Variants in FNBP1 observed in about 807,000 individuals in gnomAD.
FNBP1 encodes formin-binding protein 1.
A neutral mutation model predicts 90.6 loss-of-function variants in FNBP1; 26 were observed. That is an observed-to-expected ratio of 0.29 (90% CI 0.21 to 0.40). The LOEUF is 0.40. Among genes scored for constraint, FNBP1 ranks in the 10% least tolerant of loss-of-function variants. The probability of loss-of-function intolerance (pLI) is 1.00; values close to 1 mark genes in which losing one functional copy is unlikely to be tolerated. For missense variants in FNBP1, 635 were observed against 768.0 expected, an observed-to-expected ratio of 0.83 and a Z score of 2.05; for synonymous variants, 260 against 265.2, an observed-to-expected ratio of 0.98 and a Z score of 0.19.
At chr9:130,018,770 C>T (rs571376692) in intron 1 of FNBP1, among the ~76,000 whole-genome samples, 21 of 151,994 alleles carry the variant, frequency 1.4e-4, no homozygotes, top group Non-Finnish European at 1.3e-4. Context: ...AGTACAGTTG[C>T]TTATCACATA....
At chr9:129,916,448 T>C (rs138197948) in intron 10 of FNBP1, among the ~76,000 whole-genome samples, 2 of 151,970 alleles carry the variant, frequency 1.3e-5, no homozygotes, top group East Asian at 3.9e-4. Context: ...AGAAACCCTG[T>C]CTCTACTAAA....
intron 1 of FNBP1, among the ~76,000 whole-genome samples, chr9:130,037,640 G>T (rs1171094844): frequency 6.6e-6 from 1 of 151,940 alleles, no homozygotes; most frequent in African/African-American, 2.4e-5. Context: ...TACTTTAAAG[G>T]CAAAAAAGGT....
At chr9:130,019,183 C>T (rs1258328308) in intron 1 of FNBP1, among the ~76,000 whole-genome samples, 5 of 151,738 alleles carry the variant, frequency 3.3e-5, no homozygotes, top group Admixed American at 1.3e-4. Flanking sequence ...GCCAAGACTG[C>T]GTCAAGGCAC....
intron 6 of FNBP1, among the ~76,000 whole-genome samples, chr9:129,930,611 A>G (rs1330079730): frequency 1.3e-5 from 2 of 152,030 alleles, no homozygotes; most frequent in Admixed American, 1.3e-4. Flanking sequence ...TTTTTCTCTA[A>G]TTCATATTCT....
At chr9:129,955,241 C>CT (rs200629997) in intron 6 of FNBP1, among the ~76,000 whole-genome samples, 10,384 of 148,092 alleles carry the variant, frequency 0.07, 466 homozygotes, top group Admixed American at 0.12. Flanking sequence ...AGGCTGAGTG[C>CT]TTTTTTTTTT....
At chr9:129,992,515 A>T (rs1043375669) in intron 2 of FNBP1, among the ~76,000 whole-genome samples, 2 of 151,132 alleles carry the variant, frequency 1.3e-5, no homozygotes, top group Non-Finnish European at 1.5e-5. Flanking sequence ...GCTTGCTGAA[A>T]CAACAACAGA....
At chr9:130,027,979 G>C (rs1393510117) in intron 1 of FNBP1, among the ~76,000 whole-genome samples, 2 of 151,596 alleles carry the variant, frequency 1.3e-5, no homozygotes, top group Non-Finnish European at 2.9e-5. Flanking sequence ...TCTCAAACTC[G>C]TGTGTTCAAA....
intron 1 of FNBP1, among the ~76,000 whole-genome samples, chr9:130,028,502 ATT>A (rs11295336): frequency 2.0e-5 from 3 of 148,620 alleles, no homozygotes; most frequent in Admixed American, 6.7e-5. Context: ...ATCAGTGGAC[ATT>A]TTTTTTTTTC....
chr9:129,979,796 C>T (rs973136315), intron 2 of FNBP1, among the ~76,000 whole-genome samples: 4 of 151,958 alleles, frequency 2.6e-5, no homozygotes, highest in Admixed American at 6.6e-5. Flanking sequence ...CACGCCACCA[C>T]ATCTGGCTAA....
Position 129,887,223 on chromosome 9 carries a change from A to ATAGT in FNBP1, c.*3312_*3315dup, listed in dbSNP as rs1425100664. ...TTTTATTTTAACACGAGATTAACAT[A>ATAGT]TAGTTACAAGGTCAATACAAGCCTC... is the stretch of plus-strand genomic sequence containing the variant. On this transcript the variant is annotated 3_prime_UTR_variant, in exon 17 of 17. Transcript: ENST00000446176. The ATAGT allele has an allele frequency of 1.1e-5, 2 of 181,676 alleles. No homozygotes were observed. The highest frequency in any genetic ancestry group is 4.7e-5 in the African/African-American group (2 of 42,428). 11.3% of individuals were successfully genotyped at this position (181,676 alleles called of 1,614,324 possible).
intron 11 of FNBP1, among the ~76,000 whole-genome samples, chr9:129,910,603 G>A (rs1030006740): frequency 1.3e-5 from 2 of 151,936 alleles, no homozygotes; most frequent in Non-Finnish European, 2.9e-5. Flanking sequence ...CAAGGGCAAG[G>A]CAGGCTTGGG....
Position 129,950,587 on chromosome 9 carries a change from C to T in FNBP1, c.513+6773G>A, listed in dbSNP as rs144682181. 3.4e-4 allele frequency among the ~76,000 whole-genome samples: 52 copies of T among 152,268 alleles called. No individual in the cohort carries two copies. The East Asian group carries it at 9.3e-3, about 27-fold the overall frequency. On this transcript the variant is annotated intron_variant, in intron 6 of 16. Coordinates refer to ENST00000446176, the MANE Select transcript of FNBP1 (RefSeq NM_015033.3). ...CTGGAAATTTCTGAACCACAAACAG[C>T]CAGAACTCAGAGCATGTGTGGAGTC...
chr9:130,043,464 T>A (rs1295038683), upstream of FNBP1, among the ~76,000 whole-genome samples: 1 of 152,314 alleles, frequency 6.6e-6, no homozygotes, highest in African/African-American at 2.4e-5. Context: ...TACTAGCGCT[T>A]GCCTTGGAAC....
At chr9:129,930,019 T>C (rs1053233961) in intron 6 of FNBP1, among the ~76,000 whole-genome samples, 10 of 151,938 alleles carry the variant, frequency 6.6e-5, no homozygotes, top group African/African-American at 1.9e-4. Flanking sequence ...TCATCTCATA[T>C]ACACATTTTT....
chr9:129,922,794 C>T (rs2041297412), intron 10 of FNBP1, among the ~76,000 whole-genome samples: 1 of 152,208 alleles, frequency 6.6e-6, no homozygotes, highest in Non-Finnish European at 1.5e-5. Context: ...ATTACACTCA[C>T]ATTGCTTCAG....
chr9:129,973,696 G>C (rs1436054683), intron 4 of FNBP1, among the ~76,000 whole-genome samples: 1 of 150,740 alleles, frequency 6.6e-6, no homozygotes, highest in Non-Finnish European at 1.5e-5. Flanking sequence ...AGTAGAGACG[G>C]GTTTCACCAT....
chr9:130,001,664 C>G (rs1170057528), intron 1 of FNBP1, among the ~76,000 whole-genome samples: 1 of 151,716 alleles, frequency 6.6e-6, no homozygotes, highest in Non-Finnish European at 1.5e-5. Flanking sequence ...GGTGGCTCAC[C>G]TGAGGTCAGG....
At chr9:129,915,240 C>T (rs968959842) in intron 11 of FNBP1, among the ~76,000 whole-genome samples, 1 of 152,086 alleles carries the variant, frequency 6.6e-6, no homozygotes, top group East Asian at 1.9e-4. Flanking sequence ...TCCTGCACAG[C>T]TCCTCCAGGC....
At chr9:129,898,643 C>A (rs1564258493) in intron 15 of FNBP1, among the ~76,000 whole-genome samples, 1 of 152,192 alleles carries the variant, frequency 6.6e-6, no homozygotes, top group African/African-American at 2.4e-5. Flanking sequence ...GCATGCGCTA[C>A]CACGCTTAGC....
Sources: gnomAD v4.1 joint callset for allele counts (sites outside exome capture counted in the v4.1 genomes callset) on GRCh38, gnomAD v4.1.1 for gene constraint, MANE v1.5 for transcripts, NCBI Gene and HGNC (gene_info 2026-07-23, HGNC 2026-07-21) for gene names.